SLC9A9: variants seen among roughly 807,000 people sequenced by gnomAD.
The protein encoded by SLC9A9 is solute carrier family 9 member A9, also known as sodium/hydrogen exchanger 9.
In SLC9A9, 62 loss-of-function variants were observed where a neutral mutation model predicts 77.8. The observed-to-expected ratio is 0.80, with a 90% CI of 0.65 to 0.98. SLC9A9 has a LOEUF of 0.98. Ranked by LOEUF, SLC9A9 falls within the 50% of genes least tolerant of loss-of-function variation. The probability of loss-of-function intolerance (pLI) is 0.00; values close to 1 mark genes in which losing one functional copy is unlikely to be tolerated. For missense variants in SLC9A9, 775 were observed against 774.9 expected, an observed-to-expected ratio of 1.00 and a Z score of 0.00; for synonymous variants, 320 against 283.5, an observed-to-expected ratio of 1.13 and a Z score of -1.29.
intron 4 of SLC9A9, among the ~76,000 whole-genome samples, chr3:143,770,186 C>G (rs1168838123): frequency 6.6e-6 from 1 of 151,928 alleles, no homozygotes; most frequent in African/African-American, 2.4e-5. Context: ...AAAGATTGAA[C>G]AGGTAAATCC....
intron 12 of SLC9A9, among the ~76,000 whole-genome samples, chr3:143,456,700 G>A (rs181712498): frequency 6.6e-6 from 1 of 151,998 alleles, no homozygotes; most frequent in Admixed American, 6.5e-5. Context: ...GAGTAGCTGA[G>A]ATTACAGGTG....
At chr3:143,582,453 T>C (rs2037473039) in intron 6 of SLC9A9, among the ~76,000 whole-genome samples, 4 of 152,226 alleles carry the variant, frequency 2.6e-5, no homozygotes, top group African/African-American at 9.6e-5. Flanking sequence ...ATCATTCTGC[T>C]GAGAACTTCC....
chr3:143,529,029 A>G (rs2036457755), intron 9 of SLC9A9, among the ~76,000 whole-genome samples: 1 of 152,212 alleles, frequency 6.6e-6, no homozygotes, highest in Non-Finnish European at 1.5e-5. Context: ...TACAGATGAG[A>G]GGGACAGTGC....
At chr3:143,574,057 T>C in intron 8 of SLC9A9, 31 bp downstream of exon 8, 2 of 1,569,194 alleles carry the variant, frequency 1.3e-6, no homozygotes, top group Non-Finnish European at 1.8e-6. Flanking sequence ...TATTCACACA[T>C]CCAGTTGGCT....
chr3:143,845,476 C>G (rs1249141832), intron 1 of SLC9A9, among the ~76,000 whole-genome samples: 1 of 152,180 alleles, frequency 6.6e-6, no homozygotes, highest in Non-Finnish European at 1.5e-5. Context: ...AGAAATGTGA[C>G]AAGTCATGAA....
chr3:143,674,674 G>C (rs1190505283), intron 5 of SLC9A9, among the ~76,000 whole-genome samples: 2 of 152,152 alleles, frequency 1.3e-5, no homozygotes, highest in Non-Finnish European at 2.9e-5. Flanking sequence ...AGAAATCTCA[G>C]AGGTTTTCTA....
At chr3:143,381,963 A>C (rs2033313866) in intron 13 of SLC9A9, 97 bp downstream of exon 13, 2 of 1,413,770 alleles carry the variant, frequency 1.4e-6, no homozygotes, top group Non-Finnish European at 2.0e-6. Flanking sequence ...CTCCGTTTAG[A>C]AATAGCTCCT....
intron 4 of SLC9A9, among the ~76,000 whole-genome samples, chr3:143,774,956 C>T (rs962365494): frequency 1.3e-5 from 2 of 152,132 alleles, no homozygotes; most frequent in African/African-American, 4.8e-5. Context: ...CCACCACGAA[C>T]CTTTGTCTTC....
At chr3:143,704,673 A>C (rs576174240) in intron 4 of SLC9A9, among the ~76,000 whole-genome samples, 1 of 148,748 alleles carries the variant, frequency 6.7e-6, no homozygotes, top group East Asian at 1.9e-4. Flanking sequence ...GAAGCAACCT[A>C]AGTGTCCATC....
chr3:143,567,777 A>C (rs892505537), intron 8 of SLC9A9, among the ~76,000 whole-genome samples: 1 of 152,186 alleles, frequency 6.6e-6, no homozygotes, highest in Non-Finnish European at 1.5e-5. Flanking sequence ...AGCTGCTTAC[A>C]CTGAAGTGTT....
chr3:143,743,771 C>T (rs1935139584), intron 4 of SLC9A9, among the ~76,000 whole-genome samples: 1 of 152,268 alleles, frequency 6.6e-6, no homozygotes, highest in African/African-American at 2.4e-5. Context: ...AAGTTGACAC[C>T]TAAAATGAAT....
At chr3:143,775,626 G>A (rs2007664145) in intron 4 of SLC9A9, among the ~76,000 whole-genome samples, 1 of 152,164 alleles carries the variant, frequency 6.6e-6, no homozygotes, top group South Asian at 2.1e-4. Flanking sequence ...CATTTACCGG[G>A]TATAATTGTT....
chr3:143,693,126 G>T, intron 5 of SLC9A9, 66 bp downstream of exon 5: 4 of 1,240,848 alleles, frequency 3.2e-6, no homozygotes, highest in South Asian at 2.5e-5. Flanking sequence ...TGATGGTCTT[G>T]GGGAGAAACA....
intron 4 of SLC9A9, among the ~76,000 whole-genome samples, chr3:143,707,023 T>C (rs569816263): frequency 1.1e-3 from 167 of 152,208 alleles, no homozygotes; most frequent in African/African-American, 3.9e-3. Context: ...TGGAGAGCAA[T>C]GCAGGGAAGG....
intron 4 of SLC9A9, among the ~76,000 whole-genome samples, chr3:143,707,921 C>T (rs1934029274): frequency 1.3e-5 from 2 of 152,294 alleles, no homozygotes; most frequent in South Asian, 2.1e-4. Flanking sequence ...TGCCCATCTG[C>T]CTCAAACTTG....
At chr3:143,363,152 G>A (rs1359916685) in intron 14 of SLC9A9, among the ~76,000 whole-genome samples, 1 of 152,160 alleles carries the variant, frequency 6.6e-6, no homozygotes, top group Non-Finnish European at 1.5e-5. Context: ...CAATCAAGCA[G>A]GCCTATTTGA....
intron 14 of SLC9A9, among the ~76,000 whole-genome samples, chr3:143,297,972 A>C (rs1338391875): frequency 6.6e-6 from 1 of 152,226 alleles, no homozygotes; most frequent in African/African-American, 2.4e-5. Context: ...TTTGCAAGGA[A>C]TCTCAGGCCT....
At chr3:143,738,618 T>A (rs897151674) in intron 4 of SLC9A9, among the ~76,000 whole-genome samples, 3 of 152,184 alleles carry the variant, frequency 2.0e-5, no homozygotes, top group African/African-American at 7.2e-5. Flanking sequence ...CTGGAGTTAG[T>A]GTCACATTCC....
intron 9 of SLC9A9, among the ~76,000 whole-genome samples, chr3:143,544,050 T>C (rs979760787): frequency 9.3e-6 from 1 of 107,374 alleles, no homozygotes; most frequent in Admixed American, 8.9e-5. Context: ...TCTGCTTTTT[T>C]AAAAGAGCCA....
Sources: gnomAD v4.1 joint callset for allele counts (sites outside exome capture counted in the v4.1 genomes callset) on GRCh38, gnomAD v4.1.1 for gene constraint, MANE v1.5 for transcripts, NCBI Gene and HGNC (gene_info 2026-07-23, HGNC 2026-07-21) for gene names.